AKT3: variants seen among roughly 807,000 people sequenced by gnomAD.
AKT3 encodes RAC-gamma serine/threonine-protein kinase.
AKT3 carries 15 observed loss-of-function variants against 65.3 expected under a neutral mutation model. That is an observed-to-expected ratio of 0.23 (90% confidence interval 0.15 to 0.35). The LOEUF (loss-of-function observed/expected upper bound fraction) is 0.35. Among genes scored for constraint, AKT3 ranks in the 10% least tolerant of loss-of-function variants. AKT3 has a pLI of 1.00. For missense variants in AKT3, 243 were observed against 576.5 expected (o/e 0.42, Z 5.92); for synonymous variants, 206 against 183.8 (o/e 1.12, Z -0.98).
At chr1:243,525,653 G>C (rs974733225) in intron 12 of AKT3, among the ~76,000 whole-genome samples, 1 of 144,580 alleles carries the variant, frequency 6.9e-6, no homozygotes, top group African/African-American at 2.6e-5. Context: ...TGGAGATTAT[G>C]TAAGAGTCAG....
chr1:243,772,340 C>G (rs1035039279), intron 2 of AKT3, among the ~76,000 whole-genome samples: 2 of 151,954 alleles, frequency 1.3e-5, no homozygotes, highest in African/African-American at 2.4e-5. Context: ...AACAAATTTA[C>G]AAGAAAAAAA....
rs887632135 is a variant in AKT3, at chr1:243,504,654, A to G, written c.*595T>C. On this transcript the variant is annotated 3_prime_UTR_variant, in exon 14 of 14. Transcript: ENST00000673466. Reference sequence around the variant, plus strand: ...AAAAAAATTATATATATATATATATATCCCAACAGTTGTTCAGTCCTTCTA... The same window carrying G: ...AAAAAAATTATATATATATATATATGTCCCAACAGTTGTTCAGTCCTTCTA... The G allele has an allele frequency of 5.8e-6, 1 of 173,612 alleles. No homozygotes were observed. The highest frequency in any genetic ancestry group is 2.4e-5 in the African/African-American group (1 of 41,400). 10.8% of individuals were successfully genotyped at this position (173,612 alleles called of 1,614,324 possible). A position where few individuals can be genotyped will look rare whatever the true frequency, so the allele number is the denominator to read the frequency against.
At chr1:243,720,315 A>G (rs1407284975) in intron 2 of AKT3, among the ~76,000 whole-genome samples, 3 of 152,050 alleles carry the variant, frequency 2.0e-5, no homozygotes, top group East Asian at 1.9e-4. Flanking sequence ...AATTAAAAAT[A>G]AAATAAAAAT....
At chr1:243,780,485 G>A (rs1221334549) in intron 2 of AKT3, among the ~76,000 whole-genome samples, 3 of 151,250 alleles carry the variant, frequency 2.0e-5, no homozygotes, top group Non-Finnish European at 4.4e-5. Context: ...TAAGACTAAA[G>A]GAGGCATCAT....
intron 2 of AKT3, among the ~76,000 whole-genome samples, chr1:243,703,725 C>T (rs375453712): frequency 9.2e-5 from 13 of 140,554 alleles, no homozygotes; most frequent in African/African-American, 3.2e-4. Context: ...TGCACCACTG[C>T]ACTCCAATCT....
At chr1:243,841,888 T>C (rs1267509388) in intron 2 of AKT3, among the ~76,000 whole-genome samples, 1 of 152,144 alleles carries the variant, frequency 6.6e-6, no homozygotes, top group African/African-American at 2.4e-5. Context: ...AACAGTATTA[T>C]GCTATGTAAA....
intron 2 of AKT3, among the ~76,000 whole-genome samples, chr1:243,784,732 T>C (rs1691137158): frequency 6.6e-6 from 1 of 152,158 alleles, no homozygotes; most frequent in Non-Finnish European, 1.5e-5. Context: ...GCACATGCTC[T>C]TGGTCCACGC....
intron 2 of AKT3, among the ~76,000 whole-genome samples, chr1:243,767,732 G>T (rs937756891): frequency 2.0e-5 from 3 of 152,110 alleles, no homozygotes; most frequent in African/African-American, 7.2e-5. Context: ...GATAAAATAA[G>T]ATTGGTCATG....
chr1:243,735,546 T>G (rs1203848638), intron 2 of AKT3: 1 of 152,204 alleles, frequency 6.6e-6, no homozygotes, highest in Non-Finnish European at 1.5e-5. Context: ...AGAAAAATAT[T>G]TCGTTGCGTT....
chr1:243,649,434 T>G (rs1208966370), intron 4 of AKT3, among the ~76,000 whole-genome samples: 1 of 151,270 alleles, frequency 6.6e-6, no homozygotes, highest in Non-Finnish European at 1.5e-5. Context: ...CATACACACT[T>G]TAAGTTCTGG....
At chr1:243,839,152 C>A (rs976638183) in intron 2 of AKT3, among the ~76,000 whole-genome samples, 2 of 152,106 alleles carry the variant, frequency 1.3e-5, no homozygotes, top group Non-Finnish European at 2.9e-5. Context: ...TTAATTAATA[C>A]TATTGCAATT....
rs184356871 is a variant in AKT3 at position 243,804,569 on chromosome 1, G to A, written c.46+38556C>T. On this transcript the variant is annotated intron_variant, in intron 2 of 13. Coordinates refer to ENST00000673466, the MANE Select transcript of AKT3 (RefSeq NM_005465.7). The stretch of plus-strand genomic sequence containing the variant: ...TTTCAAGAATACAATATACATGGCC[G>A]GATGCGGTGGCTCACGCCTGTAATC... Among the ~76,000 whole-genome samples, 285 of 152,250 alleles carry A rather than the reference G, an allele frequency of 1.9e-3. 1 individual carries two copies. Among genetic ancestry groups the A allele is most frequent in the Non-Finnish European group, 3.1e-3 (211 of 68,024 alleles).
At chr1:243,746,899 G>C (rs936990737) in intron 2 of AKT3, among the ~76,000 whole-genome samples, 5 of 152,024 alleles carry the variant, frequency 3.3e-5, no homozygotes, top group South Asian at 4.2e-4. Flanking sequence ...CATGAACATG[G>C]GGGGTGGGGG....
chr1:243,795,448 T>C lies in AKT3; in HGVS notation c.46+47677A>G, dbSNP rs1402079784. Among the ~76,000 whole-genome samples, 11 of 138,162 alleles carry C rather than the reference T, an allele frequency of 8.0e-5. No individual in the cohort carries two copies. The East Asian group carries it at 1.4e-3, about 18-fold the overall frequency. The allele number at this position is 138,162 out of a possible 152,430, so 90.6% of individuals were successfully genotyped here. On this transcript the variant is annotated intron_variant, in intron 2 of 13. Transcript: ENST00000673466. ...AGGCGTAGGTTTCCCTTGATCTCCT[T>C]GTTTTTTTTTTTTGTTTTTTTTTTT...
chr1:243,632,178 C>T (rs1679656451), intron 6 of AKT3, among the ~76,000 whole-genome samples: 1 of 152,164 alleles, frequency 6.6e-6, no homozygotes, highest in Admixed American at 6.5e-5. Flanking sequence ...GAATTACTAT[C>T]TATGGCAGTA....
intron 3 of AKT3, among the ~76,000 whole-genome samples, chr1:243,681,430 C>G (rs1351406084): frequency 6.6e-6 from 1 of 152,166 alleles, no homozygotes; most frequent in Non-Finnish European, 1.5e-5. Flanking sequence ...CCTCACTCTA[C>G]AGATGACAAA....
chr1:243,656,717 T>C (rs1388665194), intron 4 of AKT3, among the ~76,000 whole-genome samples: 1 of 152,188 alleles, frequency 6.6e-6, no homozygotes, highest in East Asian at 1.9e-4. Flanking sequence ...TCAATGTATC[T>C]GGAACATGTT....
intron 2 of AKT3, among the ~76,000 whole-genome samples, chr1:243,842,771 A>G (rs1695323201): frequency 6.6e-6 from 1 of 152,192 alleles, no homozygotes; most frequent in Admixed American, 6.5e-5. Flanking sequence ...CATGTGATTA[A>G]ATGCATATAG....
intron 2 of AKT3, among the ~76,000 whole-genome samples, chr1:243,764,545 T>C (rs2148255416): frequency 6.6e-6 from 1 of 152,188 alleles, no homozygotes; most frequent in South Asian, 2.1e-4. Context: ...TAAAATTTAT[T>C]TCAGTTTCAA....
Sources: allele counts gnomAD v4.1 joint callset (sites outside exome capture counted in the v4.1 genomes callset), GRCh38; gene constraint gnomAD v4.1.1; transcripts MANE v1.5; gene names NCBI Gene and HGNC (gene_info 2026-07-23, HGNC 2026-07-21).